UCHL3: variants seen among roughly 807,000 people sequenced by gnomAD.
UCHL3 encodes ubiquitin C-terminal hydrolase L3.
In UCHL3, 22 loss-of-function variants were observed where a neutral mutation model predicts 35.8. The observed-to-expected ratio is 0.61, with a 90% confidence interval of 0.44 to 0.88. The LOEUF (loss-of-function observed/expected upper bound fraction) is 0.88. UCHL3 is among the 40% of genes least tolerant of loss of function. The pLI, the probability that UCHL3 is intolerant of heterozygous loss-of-function variation, is 0.00. For synonymous variants in UCHL3, 90 were observed against 92.8 expected (o/e 0.97, Z 0.17); for missense variants, 229 against 276.9 (o/e 0.83, Z 1.23).
At chr13:75,568,618 A>G (rs1207605533) in intron 5 of UCHL3, among the ~76,000 whole-genome samples, 6 of 151,936 alleles carry the variant, frequency 3.9e-5, no homozygotes, top group Non-Finnish European at 5.9e-5. Context: ...ATAGCTTTCC[A>G]TTATGTAGTA....
Position 75,605,712 on chromosome 13 carries a change from T to C in UCHL3, c.610-17T>C, listed in dbSNP as rs1205532549. On this transcript the variant is annotated splice_polypyrimidine_tract_variant and intron_variant, in intron 8 of 8. Transcript: ENST00000377595. The stretch of plus-strand genomic sequence containing the variant: ...ACTTTTACACTGAAAAATCATACTT[T>C]TTTTTTTCCTCCATAGGATGCCATA... 6.2e-7 allele frequency: 1 copy of C among 1,609,256 alleles called. No individual in the cohort carries two copies. Among genetic ancestry groups the C allele is most frequent in the Non-Finnish European group, 8.5e-7 (1 of 1,177,880 alleles).
intron 3 of UCHL3, among the ~76,000 whole-genome samples, chr13:75,561,226 C>G (rs1396112818): frequency 6.6e-6 from 1 of 152,174 alleles, no homozygotes; most frequent in Non-Finnish European, 1.5e-5. Context: ...AGCCACTGTT[C>G]CCAGCCCAAT....
chr13:75,576,869 C>T (rs2032038976), intron 6 of UCHL3, among the ~76,000 whole-genome samples: 1 of 152,010 alleles, frequency 6.6e-6, no homozygotes, highest in Admixed American at 6.6e-5. Flanking sequence ...ATATACGTGC[C>T]CAGTTAAGAA....
intron 2 of UCHL3, among the ~76,000 whole-genome samples, chr13:75,553,685 C>G (rs773681226): frequency 1.3e-5 from 2 of 152,148 alleles, no homozygotes; most frequent in Non-Finnish European, 2.9e-5. Context: ...ACATAGATGA[C>G]CCCATGTTCC....
At position 75,605,856 on chromosome 13, in the gene UCHL3, A is replaced by G. The variant is rs1387056673; in HGVS notation, c.*44A>G. 1 of 1,592,106 alleles carries G rather than the reference A, an allele frequency of 6.3e-7. No individual in the cohort carries two copies. Among genetic ancestry groups the G allele is most frequent in the Non-Finnish European group, 8.6e-7 (1 of 1,164,186 alleles). ...ACCAAAAACTGTATTATTTGCAACTAAATTTTCTCTGCCATACACTAACTC... is the reference window on the plus strand; with the variant it reads ...ACCAAAAACTGTATTATTTGCAACTGAATTTTCTCTGCCATACACTAACTC... On this transcript the variant is annotated 3_prime_UTR_variant, in exon 9 of 9. Coordinates refer to ENST00000377595, the MANE Select transcript of UCHL3 (RefSeq NM_006002.5).
At chr13:75,593,786 C>T (rs2032573259) in intron 6 of UCHL3, among the ~76,000 whole-genome samples, 1 of 152,146 alleles carries the variant, frequency 6.6e-6, no homozygotes, top group African/African-American at 2.4e-5. Context: ...GTTTTAGAAA[C>T]ATTCTGTATA....
intron 6 of UCHL3, among the ~76,000 whole-genome samples, chr13:75,579,969 A>G: frequency 6.6e-6 from 1 of 152,192 alleles, no homozygotes; most frequent in East Asian, 1.9e-4. Context: ...TTAGATGTAC[A>G]GGTATTATAT....
intron 6 of UCHL3, among the ~76,000 whole-genome samples, chr13:75,594,037 T>C (rs992292716): frequency 6.6e-6 from 1 of 152,244 alleles, no homozygotes; most frequent in African/African-American, 2.4e-5. Flanking sequence ...TGTATTTCAT[T>C]TCAAACCATT....
chr13:75,587,938 C>A (rs1217814172), intron 6 of UCHL3, among the ~76,000 whole-genome samples: 1 of 152,144 alleles, frequency 6.6e-6, no homozygotes, highest in Non-Finnish European at 1.5e-5. Flanking sequence ...TCTTTTGCAA[C>A]CATCCACCCT....
chr13:75,557,314 A>G (rs1163312842), intron 2 of UCHL3, among the ~76,000 whole-genome samples: 1 of 152,214 alleles, frequency 6.6e-6, no homozygotes, highest in Non-Finnish European at 1.5e-5. Flanking sequence ...GTCTCAAAAC[A>G]TATTTACAAA....
chr13:75,589,203 G>A (rs570530656), intron 6 of UCHL3, among the ~76,000 whole-genome samples: 1 of 152,094 alleles, frequency 6.6e-6, no homozygotes, highest in Non-Finnish European at 1.5e-5. Flanking sequence ...CCTTGGTTAT[G>A]TTACTTAACC....
rs777059224 is a variant in UCHL3 at position 75,604,787 on chromosome 13, CA to C, written c.571del (p.Ile191LeufsTer12). 54 of 1,598,392 alleles carry C rather than the reference CA, an allele frequency of 3.4e-5. No individual in the cohort carries two copies. The highest frequency in any genetic ancestry group is 4.4e-5 in the Non-Finnish European group (52 of 1,172,566). ...LYELDGRKPFPINHGETSDET... is the reference protein window; with the variant it reads ...LYELDGRKPFXINHGETSDET... ...TCCACAGATGGGCGGAAGCCATTTC[CA>C]ATTAACCATGGTGAAACTAGTGATG... On this transcript the variant is annotated frameshift_variant, in exon 8 of 9. Coordinates refer to ENST00000377595, the MANE Select transcript of UCHL3 (RefSeq NM_006002.5). LOFTEE classifies it high-confidence loss of function.
At chr13:75,582,411 A>G (rs867288776) in intron 6 of UCHL3, among the ~76,000 whole-genome samples, 1 of 152,224 alleles carries the variant, frequency 6.6e-6, no homozygotes, top group Non-Finnish European at 1.5e-5. Context: ...GTGTATCTAC[A>G]GTCACATTAT....
rs889562700 is a variant in UCHL3, at chr13:75,567,381, G to A, written c.426+69G>A. On this transcript the variant is annotated intron_variant, in intron 5 of 8. Coordinates refer to ENST00000377595, the MANE Select transcript of UCHL3 (RefSeq NM_006002.5). ...TGTGGGATTGTAGATGTGTTTGGGGGTTTTGTCTTGAAACCATAGTTTTGA... is the reference window on the plus strand; with the variant it reads ...TGTGGGATTGTAGATGTGTTTGGGGATTTTGTCTTGAAACCATAGTTTTGA... 1.5e-5 allele frequency: 20 copies of A among 1,378,654 alleles called. No individual in the cohort carries two copies. The South Asian group carries it at 2.2e-4, about 15-fold the overall frequency. The allele number at this position is 1,378,654 out of a possible 1,614,324, so 85.4% of individuals were successfully genotyped here.
At chr13:75,556,003 C>T (rs2031281959) in intron 2 of UCHL3, among the ~76,000 whole-genome samples, 1 of 152,210 alleles carries the variant, frequency 6.6e-6, no homozygotes, top group Non-Finnish European at 1.5e-5. Flanking sequence ...CTTCCAGAAC[C>T]TTATCATACT....
At chr13:75,566,220 G>A (rs2031676717) in intron 3 of UCHL3, among the ~76,000 whole-genome samples, 1 of 152,158 alleles carries the variant, frequency 6.6e-6, no homozygotes, top group Non-Finnish European at 1.5e-5. Flanking sequence ...AATGGGAATT[G>A]TTATTAATAT....
At chr13:75,578,694 C>A (rs1593743636) in intron 6 of UCHL3, among the ~76,000 whole-genome samples, 2 of 151,948 alleles carry the variant, frequency 1.3e-5, no homozygotes, top group Non-Finnish European at 2.9e-5. Context: ...TAATTTAAAT[C>A]ATAAAATATG....
chr13:75,598,699 A>G (rs960082877), intron 7 of UCHL3, among the ~76,000 whole-genome samples: 1 of 152,224 alleles, frequency 6.6e-6, no homozygotes, highest in Non-Finnish European at 1.5e-5. Context: ...CGAGAGGCAC[A>G]TGATGTCAAT....
At chr13:75,557,215 GA>G (rs541626205) in intron 2 of UCHL3, among the ~76,000 whole-genome samples, 50 of 143,726 alleles carry the variant, frequency 3.5e-4, no homozygotes, top group South Asian at 1.3e-3. Context: ...GACCCTGTCT[GA>G]AAAAAAAAAA....
Sources: allele counts gnomAD v4.1 joint callset (sites outside exome capture counted in the v4.1 genomes callset), GRCh38; gene constraint gnomAD v4.1.1; transcripts MANE v1.5; gene names NCBI Gene and HGNC (gene_info 2026-07-23, HGNC 2026-07-21).